Variants in LRRC7 observed in about 807,000 individuals in gnomAD.
LRRC7 encodes leucine rich repeat containing 7.
In LRRC7, 23 loss-of-function variants were observed where a neutral mutation model predicts 175.7. That is an observed-to-expected ratio of 0.13 (90% CI 0.09 to 0.19). LRRC7 has a LOEUF of 0.19. LRRC7 is among the 10% of genes least tolerant of loss of function. LRRC7 has a pLI of 1.00. For synonymous variants in LRRC7, 685 were observed against 680.9 expected, an observed-to-expected ratio of 1.01 and a Z score of -0.09; for missense variants, 1,354 against 1,904.7, an observed-to-expected ratio of 0.71 and a Z score of 5.38.
chr1:70,041,509 C>A (rs1659891195), intron 21 of LRRC7, among the ~76,000 whole-genome samples: 1 of 152,204 alleles, frequency 6.6e-6, no homozygotes, highest in Non-Finnish European at 1.5e-5. Context: ...CCATGCCTTA[C>A]CTCAAGTATA....
chr1:69,707,076 A>G (rs971773747), intron 2 of LRRC7, among the ~76,000 whole-genome samples: 6 of 152,136 alleles, frequency 3.9e-5, no homozygotes, highest in Non-Finnish European at 8.8e-5. Flanking sequence ...AAGTTGAGCA[A>G]TAAGGGAATT....
chr1:69,994,474 C>A, intron 10 of LRRC7, 87 bp from the exon 11 acceptor site: 2 of 950,426 alleles, frequency 2.1e-6, no homozygotes, highest in Non-Finnish European at 3.4e-6. Context: ...AAGCATTCAA[C>A]ACAAGTGATT....
intron 1 of LRRC7, among the ~76,000 whole-genome samples, chr1:69,569,326 A>G (rs1645635778): frequency 6.6e-6 from 1 of 151,974 alleles, no homozygotes; most frequent in South Asian, 2.1e-4. Flanking sequence ...CCTGTCAGCT[A>G]GACAACTCCT....
intron 23 of LRRC7, among the ~76,000 whole-genome samples, chr1:70,070,265 G>A (rs1662282788): frequency 2.0e-5 from 3 of 152,050 alleles, no homozygotes; most frequent in African/African-American, 4.8e-5. Flanking sequence ...AAAGTGCTGG[G>A]GTTATAGGGT....
In LRRC7 at chr1:70,140,487, A is replaced by G. The variant is rs868594614; in HGVS notation, c.*18600A>G. The stretch of plus-strand genomic sequence containing the variant: ...ACTCCCTATCAATTTTCTACATTTA[A>G]TCCTTGGCTTCTTGTCATATTTTCA... On this transcript the variant is annotated 3_prime_UTR_variant, in exon 27 of 27. Transcript: ENST00000651989. 1.3e-5 allele frequency: 2 copies of G among 152,090 alleles called. No individual in the cohort carries two copies. Among genetic ancestry groups the G allele is most frequent in the Non-Finnish European group, 2.9e-5 (2 of 68,008 alleles). The allele number at this position is 152,090 out of a possible 1,614,324, so 9.4% of individuals were successfully genotyped here. A position where few individuals can be genotyped will look rare whatever the true frequency, so the allele number is the denominator to read the frequency against.
In LRRC7 at chr1:69,617,738, C is replaced by A. The variant is rs552192044; in HGVS notation, c.2+49097C>A. 3.9e-5 allele frequency among the ~76,000 whole-genome samples: 6 copies of A among 151,958 alleles called. No homozygotes were observed. The South Asian group carries it at 1.0e-3, about 26-fold the overall frequency. ...AACTTCATGTATCTGTTTTACACTT[C>A]TTCCCACACATAGGGTGTACTCACT... On this transcript the variant is annotated intron_variant, in intron 1 of 26. Coordinates refer to ENST00000651989, the MANE Select transcript of LRRC7 (RefSeq NM_001370785.2).
intron 1 of LRRC7, among the ~76,000 whole-genome samples, chr1:69,601,184 A>G (rs1007999511): frequency 1.3e-5 from 2 of 152,202 alleles, no homozygotes; most frequent in Non-Finnish European, 2.9e-5. Context: ...TATTGCGGTA[A>G]GAGTGTCATT....
intron 3 of LRRC7, among the ~76,000 whole-genome samples, chr1:69,778,532 C>T (rs958135279): frequency 2.0e-5 from 3 of 152,150 alleles, no homozygotes; most frequent in Non-Finnish European, 4.4e-5. Flanking sequence ...ACCAATCCTG[C>T]TTTGCTTGGG....
rs534657583 is a variant in LRRC7, at chr1:69,991,773, T to G, written c.932-2788T>G. Among the ~76,000 whole-genome samples the G allele has an allele frequency of 3.9e-5, 6 of 152,282 alleles. No homozygotes were observed. In the East Asian group the frequency reaches 9.6e-4, roughly 24 times the overall value. The stretch of plus-strand genomic sequence containing the variant: ...AATCTTTACTTTCTTCATGCCTTTT[T>G]TAGTTCCTCTGCAGCTATCGGGTAT... On this transcript the variant is annotated intron_variant, in intron 10 of 26. Coordinates refer to ENST00000651989, the MANE Select transcript of LRRC7 (RefSeq NM_001370785.2).
At chr1:69,673,767 A>G (rs914570696) in intron 1 of LRRC7, among the ~76,000 whole-genome samples, 24 of 152,306 alleles carry the variant, frequency 1.6e-4, no homozygotes, top group African/African-American at 4.8e-4. Flanking sequence ...TCCAAGGAAC[A>G]AAACGACTTT....
intron 3 of LRRC7, 123 bp downstream of exon 3, chr1:69,760,516 GAT>G: frequency 1.3e-6 from 1 of 775,678 alleles, no homozygotes; most frequent in South Asian, 1.8e-5. Context: ...CATTGAAATT[GAT>G]ATAACTTCCC....
intron 1 of LRRC7, among the ~76,000 whole-genome samples, chr1:69,626,066 T>A (rs1482354481): frequency 2.6e-5 from 4 of 152,240 alleles, no homozygotes; most frequent in Non-Finnish European, 5.9e-5. Context: ...TATAAACTTT[T>A]ACTTAACTTG....
At chr1:69,942,129 T>C (rs898226372) in intron 8 of LRRC7, among the ~76,000 whole-genome samples, 1 of 152,068 alleles carries the variant, frequency 6.6e-6, no homozygotes, top group African/African-American at 2.4e-5. Flanking sequence ...GTGGGCACAG[T>C]GGGCAGTAGG....
chr1:69,907,916 T>A (rs1345536645), intron 7 of LRRC7, among the ~76,000 whole-genome samples: 1 of 152,186 alleles, frequency 6.6e-6, no homozygotes, highest in Non-Finnish European at 1.5e-5. Flanking sequence ...TGGTAAGCTA[T>A]TGATTATTGC....
chr1:69,865,681 C>T (rs1684870172), intron 7 of LRRC7, among the ~76,000 whole-genome samples: 1 of 151,576 alleles, frequency 6.6e-6, no homozygotes, highest in Admixed American at 6.6e-5. Context: ...GGGGTTTCAC[C>T]GCATTAGCCA....
intron 7 of LRRC7, among the ~76,000 whole-genome samples, chr1:69,909,214 T>C (rs1028246298): frequency 2.0e-5 from 3 of 152,184 alleles, no homozygotes; most frequent in Admixed American, 2.0e-4. Flanking sequence ...GGGTCTTGAC[T>C]CTTTATCCAA....
At chr1:69,918,551 A>G (rs1259965533) in intron 7 of LRRC7, among the ~76,000 whole-genome samples, 1 of 152,232 alleles carries the variant, frequency 6.6e-6, no homozygotes, top group Admixed American at 6.5e-5. Flanking sequence ...AAAGTAATAG[A>G]CTGTGTTATG....
chr1:69,793,529 C>T (rs1423853321), intron 4 of LRRC7, among the ~76,000 whole-genome samples: 1 of 152,010 alleles, frequency 6.6e-6, no homozygotes, highest in African/African-American at 2.4e-5. Flanking sequence ...TTCCTTATCA[C>T]CTTCAGGCCT....
At chr1:69,570,054 T>C (rs1421491956) in intron 1 of LRRC7, among the ~76,000 whole-genome samples, 1 of 152,136 alleles carries the variant, frequency 6.6e-6, no homozygotes, top group Non-Finnish European at 1.5e-5. Flanking sequence ...GTAAATAGAT[T>C]TGTATCTGTA....
Sources: gnomAD v4.1 joint callset for allele counts (sites outside exome capture counted in the v4.1 genomes callset) on GRCh38, gnomAD v4.1.1 for gene constraint, MANE v1.5 for transcripts, NCBI Gene and HGNC (gene_info 2026-07-23, HGNC 2026-07-21) for gene names.